The following VAV2 variants were observed in gnomAD, a reference collection of about 807,000 sequenced individuals.
VAV2 encodes the protein guanine nucleotide exchange factor VAV2.
Under a neutral mutation model 132.5 loss-of-function variants are expected in VAV2, and 67 were observed. That is an observed-to-expected ratio of 0.51 (90% CI 0.42 to 0.62). The LOEUF (loss-of-function observed/expected upper bound fraction) is 0.62. VAV2 is among the 20% of genes least tolerant of loss of function. The pLI, the probability that VAV2 is intolerant of heterozygous loss-of-function variation, is 0.00. For synonymous variants in VAV2, 492 were observed against 443.5 expected, an observed-to-expected ratio of 1.11 and a Z score of -1.37; for missense variants, 938 against 1,153.6, an observed-to-expected ratio of 0.81 and a Z score of 2.71.
Position 133,784,347 on chromosome 9 carries a change from G to T in VAV2, c.1604C>A (p.Thr535Asn), listed in dbSNP as rs372445285. The change falls in exon 18 of 30, where the codon ACC becomes AAC. Residue 535 changes from threonine (T) to asparagine (N), a missense_variant. Physicochemically the swap from Thr to Asn is moderately conservative, Grantham distance 65 (BLOSUM62 0). Transcript: ENST00000371850. ...SFQMYTFDKTTNCKACKMFLR... is the reference protein window; with the variant it reads ...SFQMYTFDKTNNCKACKMFLR... ...GAACATTTTGCAGGCTTTGCAGTTG[G>T]TGGTCTTGTCAAACGTGTACATCTG... The T allele has an allele frequency of 1.2e-5, 20 of 1,614,112 alleles. No individual in the cohort carries two copies. Among genetic ancestry groups the T allele is most frequent in the Non-Finnish European group, 1.5e-5 (18 of 1,180,040 alleles).
chr9:133,888,299 G>A (rs771294448), intron 2 of VAV2, among the ~76,000 whole-genome samples: 3 of 152,208 alleles, frequency 2.0e-5, no homozygotes, highest in African/African-American at 4.8e-5. Flanking sequence ...GCACAGCAAC[G>A]TGAGTGTGTT....
intron 1 of VAV2, among the ~76,000 whole-genome samples, chr9:133,976,005 G>A (rs113156315): frequency 0.065 from 9,829 of 151,058 alleles, 490 homozygotes; most frequent in African/African-American, 0.14. Context: ...AGACCAGCCT[G>A]GACAAGATGG....
At chr9:133,872,537 T>G (rs954900266) in intron 2 of VAV2, among the ~76,000 whole-genome samples, 2 of 152,154 alleles carry the variant, frequency 1.3e-5, no homozygotes, top group Non-Finnish European at 2.9e-5. Flanking sequence ...CTAGGCCCAG[T>G]TCCCGACACC....
At chr9:133,798,355 G>A (rs1485965204) in intron 9 of VAV2, among the ~76,000 whole-genome samples, 1 of 152,206 alleles carries the variant, frequency 6.6e-6, no homozygotes, top group East Asian at 1.9e-4. Flanking sequence ...CGTCTTCAGG[G>A]ATGCAGGCAG....
intron 2 of VAV2, among the ~76,000 whole-genome samples, chr9:133,891,605 AAG>A (rs2131975313): frequency 9.6e-4 from 1 of 1,046 alleles, no homozygotes. Flanking sequence ...AGGGAGGGGA[AAG>A]AAGGAGAGGG....
chr9:133,986,815 G>C (rs988835963), intron 1 of VAV2, among the ~76,000 whole-genome samples: 1 of 151,988 alleles, frequency 6.6e-6, no homozygotes, highest in Non-Finnish European at 1.5e-5. Context: ...AGCCCCTTCT[G>C]CTGGCACCAG....
At chr9:133,909,676 G>C (rs996630358) in intron 2 of VAV2, among the ~76,000 whole-genome samples, 7 of 152,148 alleles carry the variant, frequency 4.6e-5, no homozygotes, top group African/African-American at 1.7e-4. Flanking sequence ...GGGCAAAGAG[G>C]GGGAGACAGC....
intron 2 of VAV2, among the ~76,000 whole-genome samples, chr9:133,924,308 G>A (rs1473369393): frequency 6.6e-6 from 1 of 152,040 alleles, no homozygotes; most frequent in African/African-American, 2.4e-5. Context: ...TTAGCCTCCC[G>A]AGTAGCTGGG....
intron 4 of VAV2, among the ~76,000 whole-genome samples, chr9:133,829,537 C>T (rs973087527): frequency 5.3e-5 from 8 of 152,228 alleles, no homozygotes; most frequent in East Asian, 1.9e-4. Flanking sequence ...GAGGACTCAG[C>T]GCAAGCACCA....
At chr9:133,986,931 C>T (rs991770759) in intron 1 of VAV2, among the ~76,000 whole-genome samples, 6 of 152,082 alleles carry the variant, frequency 3.9e-5, no homozygotes, top group African/African-American at 1.4e-4. Context: ...GGGACAGCCC[C>T]GGCCTGTTCT....
chr9:133,835,483 C>T (rs60802618), intron 3 of VAV2, among the ~76,000 whole-genome samples: 18,682 of 152,130 alleles, frequency 0.12, 1,998 homozygotes, highest in East Asian at 0.58. Context: ...GCTGGCTCAA[C>T]GCTATGGGCC....
chr9:133,976,474 G>A lies in VAV2; in HGVS notation c.204+15601C>T, dbSNP rs7023452. On this transcript the variant is annotated intron_variant, in intron 1 of 29. Coordinates refer to ENST00000371850, the MANE Select transcript of VAV2 (RefSeq NM_001134398.2). Reference sequence around the variant, plus strand: ...AGATTGGAGCCCTAGTAAGAAGATGGGCTCTGCCTCGGGGTTGCAGTTGAT... The same window carrying A: ...AGATTGGAGCCCTAGTAAGAAGATGAGCTCTGCCTCGGGGTTGCAGTTGAT... 7.1e-3 allele frequency among the ~76,000 whole-genome samples: 1,078 copies of A among 152,354 alleles called. 13 individuals are homozygous for A. Among genetic ancestry groups the A allele is most frequent in the African/African-American group, 0.025 (1,022 of 41,580 alleles).
chr9:133,772,263 C>G (rs1257938575), intron 25 of VAV2, among the ~76,000 whole-genome samples: 1 of 152,208 alleles, frequency 6.6e-6, no homozygotes, highest in East Asian at 1.9e-4. Flanking sequence ...TCGTTTGGGG[C>G]CCGGAACCCC....
At chr9:133,910,478 T>C (rs2789828) in intron 2 of VAV2, among the ~76,000 whole-genome samples, 115,836 of 151,766 alleles carry the variant, frequency 0.76, 45,057 homozygotes, top group East Asian at 0.99. Context: ...GGTGCCAAGG[T>C]TCAGTGAGTC....
intron 29 of VAV2, among the ~76,000 whole-genome samples, 184 bp from the exon 30 acceptor site, chr9:133,764,293 C>A (rs1331447810): frequency 6.6e-6 from 1 of 152,044 alleles, no homozygotes. Flanking sequence ...CAGAAAAACA[C>A]CACCCTTGGC....
chr9:133,787,355 C>A, intron 15 of VAV2, 95 bp from the exon 16 acceptor site: 5 of 1,360,924 alleles, frequency 3.7e-6, no homozygotes, highest in Non-Finnish European at 4.8e-6. Flanking sequence ...GCGCCAGGAG[C>A]CCTGGCAGGT....
intron 12 of VAV2, among the ~76,000 whole-genome samples, chr9:133,792,753 G>A (rs1834548782): frequency 1.4e-5 from 2 of 140,546 alleles, no homozygotes; most frequent in African/African-American, 5.4e-5. Context: ...CTGCCGGGGA[G>A]GCCGCCCTCG....
intron 4 of VAV2, among the ~76,000 whole-genome samples, chr9:133,830,763 T>C (rs1836232370): frequency 6.6e-6 from 1 of 152,196 alleles, no homozygotes; most frequent in South Asian, 2.1e-4. Flanking sequence ...CATGCGCTTG[T>C]GTCTTGTAAA....
chr9:133,938,846 G>A (rs528635786), intron 2 of VAV2, among the ~76,000 whole-genome samples: 3 of 152,284 alleles, frequency 2.0e-5, no homozygotes, highest in South Asian at 2.1e-4. Flanking sequence ...GCCTGAATTC[G>A]TCACGCCTGG....
Sources: gnomAD v4.1 joint callset for allele counts (sites outside exome capture counted in the v4.1 genomes callset) on GRCh38, gnomAD v4.1.1 for gene constraint, MANE v1.5 for transcripts, NCBI Gene and HGNC (gene_info 2026-07-23, HGNC 2026-07-21) for gene names.